The following RPL18A variants were observed in gnomAD, a reference collection of about 807,000 sequenced individuals.
RPL18A encodes the protein ribosomal protein L18a.
For synonymous variants in RPL18A, 122 were observed against 96.9 expected (o/e 1.26, Z -1.52); for missense variants, 163 against 254.1 (o/e 0.64, Z 2.44).
chr19:17,862,597 A>G (rs200907892), intron 3 of RPL18A: 10 of 702,288 alleles, frequency 1.4e-5, no homozygotes, highest in Non-Finnish European at 5.3e-6. Flanking sequence ...GATTGCACCT[A>G]AACCCAAGAA....
chr19:17,861,365 C>G lies in RPL18A; in HGVS notation c.91C>G (p.Arg31Gly), dbSNP rs750048205. Reference sequence around the variant, plus strand: ...CCACACGCCGCCCCTCTACCGCATGCGAATCTTTGCGCCTAATCATGTCGT... The same window carrying G: ...CCACACGCCGCCCCTCTACCGCATGGGAATCTTTGCGCCTAATCATGTCGT... ...KCHTPPLYRM[R>G]IFAPNHVVAK... is the part of the protein sequence containing the mutation. The change falls in exon 2 of 5, where the codon CGA (arginine) becomes GGA (glycine). Residue 31 changes from arginine (R) to glycine (G), a missense_variant. By Grantham distance (125) the Arg-to-Gly change is moderately radical. Transcript: ENST00000222247. 6.2e-7 allele frequency: 1 copy of G among 1,612,578 alleles called. No individual in the cohort carries two copies. Among genetic ancestry groups the G allele is most frequent in the Non-Finnish European group, 8.5e-7 (1 of 1,179,060 alleles).
At chr19:17,862,672 G>C (rs776632629) in intron 3 of RPL18A, 4 of 750,958 alleles carry the variant, frequency 5.3e-6, no homozygotes, top group Non-Finnish European at 7.3e-6. Flanking sequence ...TGTCGCCTTT[G>C]GGGGGCTGTG....
chr19:17,861,271 CCTCA>C lies in RPL18A; in HGVS notation c.19-18_19-15del, dbSNP rs749277914. 2 of 1,612,518 alleles carry C rather than the reference CCTCA, an allele frequency of 1.2e-6. No individual in the cohort carries two copies. Among genetic ancestry groups the C allele is most frequent in the Non-Finnish European group, 1.7e-6 (2 of 1,178,902 alleles). On this transcript the variant is annotated intron_variant, in intron 1 of 4. Coordinates refer to ENST00000222247, the MANE Select transcript of RPL18A (RefSeq NM_000980.4). ...AGTTGCCTCTGGGTGCTGGCCTTAC[CCTCA>C]CTCCTGTTTCCTTTCAGCTACGAGA... is the stretch of plus-strand genomic sequence containing the variant.
Position 17,861,143 on chromosome 19 carries a change from A to G in RPL18A, c.19-150A>G, listed in dbSNP as rs536201032. The G allele has an allele frequency of 1.0e-4, 66 of 648,812 alleles. No individual in the cohort carries two copies. In the East Asian group the frequency reaches 1.7e-3, roughly 16 times the overall value. The allele number at this position is 648,812 out of a possible 1,614,324, so 40.2% of individuals were successfully genotyped here. On this transcript the variant is annotated intron_variant, in intron 1 of 4. Transcript: ENST00000222247. ...AAAGTTGTGGTCGGGAGTGTGACCT[A>G]CAGTCACCAAGAATCCACATGGAGG...
chr19:17,860,572 C>T (rs1232796318), intron 1 of RPL18A, among the ~76,000 whole-genome samples: 4 of 152,164 alleles, frequency 2.6e-5, no homozygotes, highest in African/African-American at 9.7e-5. Flanking sequence ...TGTGCCGAGG[C>T]CGGTGGGTCA....
At chr19:17,860,298 G>C in intron 1 of RPL18A, 1 of 414,026 alleles carries the variant, frequency 2.4e-6, no homozygotes, top group Non-Finnish European at 4.3e-6. Context: ...TTTCCTTTCT[G>C]CAACGTGGAC....
At chr19:17,861,937 G>C in intron 2 of RPL18A, 157 bp from the exon 3 acceptor site, 2 of 815,496 alleles carry the variant, frequency 2.5e-6, no homozygotes, top group Non-Finnish European at 3.8e-6. Flanking sequence ...GAGGATGCCT[G>C]AAGGTAGGTG....
chr19:17,860,025 A>G, intron 1 of RPL18A, 51 bp downstream of exon 1: 1 of 1,456,680 alleles, frequency 6.9e-7, no homozygotes, highest in Non-Finnish European at 9.0e-7. Flanking sequence ...CACGGGCCCC[A>G]TCAGGGGCCT....
Position 17,861,483 on chromosome 19 carries a change from G to A in RPL18A, c.198+11G>A, listed in dbSNP as rs749871404. 1.2e-5 allele frequency: 19 copies of A among 1,571,976 alleles called. No individual in the cohort carries two copies. Among genetic ancestry groups the A allele is most frequent in the Non-Finnish European group, 1.6e-5 (18 of 1,154,342 alleles). ...GTCTACTGTGGGCAGGTATGGAGAG[G>A]CCGGGGCTACGTGGGGTCTGGAGTG... On this transcript the variant is annotated intron_variant, in intron 2 of 4. Coordinates refer to ENST00000222247, the MANE Select transcript of RPL18A (RefSeq NM_000980.4).
Position 17,862,978 on chromosome 19 carries a change from A to G in RPL18A, c.389A>G (p.Glu130Gly). The change falls in exon 4 of 5, where the codon GAG becomes GGG. Residue 130 changes from glutamate (E) to glycine (G), a missense_variant. By Grantham distance (98) the Glu-to-Gly change is moderately conservative. Coordinates refer to ENST00000222247, the MANE Select transcript of RPL18A (RefSeq NM_000980.4). ...CACTCCATTCAGATCATGAAGGTGG[A>G]GGAGATCGCGGCCAGCAAGTGCCGC... ...RAHSIQIMKVEEIAASKCRRP... is the reference protein window; with the variant it reads ...RAHSIQIMKVGEIAASKCRRP... 2 of 1,612,510 alleles carry G rather than the reference A, an allele frequency of 1.2e-6. No homozygotes were observed. The highest frequency in any genetic ancestry group is 1.7e-6 in the Non-Finnish European group (2 of 1,179,726).
rs1568413738 is a variant in RPL18A, at chr19:17,861,347, C to G, written c.73C>G (p.Pro25Ala). 6.2e-7 allele frequency: 1 copy of G among 1,613,328 alleles called. No individual in the cohort carries two copies. The highest frequency in any genetic ancestry group is 1.3e-5 in the African/African-American group (1 of 74,914). ...RCLPTPKCHT[P>A]PLYRMRIFAP... Reference sequence around the variant, plus strand: ...CCTGCCCACCCCCAAATGCCACACGCCGCCCCTCTACCGCATGCGAATCTT... The same window carrying G: ...CCTGCCCACCCCCAAATGCCACACGGCGCCCCTCTACCGCATGCGAATCTT... The change falls in exon 2 of 5, where the codon CCG becomes GCG. Residue 25 changes from proline to alanine, a missense_variant. Physicochemically the swap from Pro to Ala is conservative, Grantham distance 27. Coordinates refer to ENST00000222247, the MANE Select transcript of RPL18A (RefSeq NM_000980.4).
intron 1 of RPL18A, chr19:17,860,675 C>T (rs1445328771): frequency 6.5e-6 from 1 of 152,722 alleles, no homozygotes; most frequent in Non-Finnish European, 1.5e-5. Context: ...GAGGTGGTTT[C>T]TTTGTGCCAT....
Position 17,863,308 on chromosome 19 carries a change from G to A in RPL18A, c.*45G>A, listed in dbSNP as rs1289364958. 10 of 1,314,096 alleles carry A rather than the reference G, an allele frequency of 7.6e-6. No individual in the cohort carries two copies. The highest frequency in any genetic ancestry group is 5.6e-5 in the Admixed American group (3 of 53,460). 81.4% of individuals were successfully genotyped at this position (1,314,096 alleles called of 1,614,324 possible). A position where few individuals can be genotyped will look rare whatever the true frequency, so the allele number is the denominator to read the frequency against. On this transcript the variant is annotated 3_prime_UTR_variant, in exon 5 of 5. Coordinates refer to ENST00000222247, the MANE Select transcript of RPL18A (RefSeq NM_000980.4). ...GTGTGCCCCAAATAAACTCAGGAAC[G>A]CCCCGGTGCTCGCCGCATGTTTTCT...
intron 2 of RPL18A, 27 bp from the exon 3 acceptor site, chr19:17,862,067 C>T: frequency 6.2e-7 from 1 of 1,609,206 alleles, no homozygotes; most frequent in South Asian, 1.1e-5. Context: ...GCTGCTCTCA[C>T]ATCTCCCTGT....
chr19:17,862,530 G>T, intron 3 of RPL18A: 1 of 704,326 alleles, frequency 1.4e-6, no homozygotes, highest in Non-Finnish European at 2.6e-6. Flanking sequence ...AGTGTTGGGA[G>T]CTGGCACCTT....
chr19:17,861,221 G>T, intron 1 of RPL18A, 72 bp from the exon 2 acceptor site: 1 of 1,413,694 alleles, frequency 7.1e-7, no homozygotes, highest in Non-Finnish European at 9.9e-7. Flanking sequence ...CTAGATGTAG[G>T]AAAGGGAGTG....
chr19:17,861,094 C>T (rs2094276449), intron 1 of RPL18A, 199 bp from the exon 2 acceptor site: 2 of 588,678 alleles, frequency 3.4e-6, no homozygotes, highest in Non-Finnish European at 6.1e-6. Flanking sequence ...GGAGACCTCC[C>T]TCTCCTCAGT....
chr19:17,860,127 C>T, intron 1 of RPL18A, 153 bp downstream of exon 1: 3 of 653,202 alleles, frequency 4.6e-6, no homozygotes, highest in Non-Finnish European at 7.2e-6. Flanking sequence ...CCCAACATGG[C>T]GGCCATCGTG....
At chr19:17,860,113 T>G in intron 1 of RPL18A, 139 bp downstream of exon 1, 1 of 707,304 alleles carries the variant, frequency 1.4e-6, no homozygotes, top group East Asian at 3.4e-5. Flanking sequence ...CTTCTCTTGT[T>G]GCACCCAACA....
Sources: allele counts gnomAD v4.1 joint callset (sites outside exome capture counted in the v4.1 genomes callset), GRCh38; gene constraint gnomAD v4.1.1; transcripts MANE v1.5; gene names NCBI Gene and HGNC (gene_info 2026-07-23, HGNC 2026-07-21).